PGAP4: variants seen among roughly 807,000 people sequenced by gnomAD.
PGAP4 encodes post-GPI attachment to proteins GalNAc transferase 4, also known as GPI-N-acetylgalactosamine transferase PGAP4.
In PGAP4, 12 loss-of-function variants were observed where a neutral mutation model predicts 28.2. The ratio of observed to expected loss-of-function variants is 0.42; its 90% CI spans 0.27 to 0.69. The LOEUF is 0.69. PGAP4 is among the 30% of genes least tolerant of loss of function. The pLI, the probability that PGAP4 is intolerant of heterozygous loss-of-function variation, is 0.22. For missense variants in PGAP4, 425 were observed against 513.5 expected (o/e 0.83, Z 1.67); for synonymous variants, 205 against 211.8 (o/e 0.97, Z 0.28).
chr9:101,491,812 G>GATATATATATATATAT (rs58209077), upstream of PGAP4, among the ~76,000 whole-genome samples: 7 of 106,268 alleles, frequency 6.6e-5, no homozygotes, highest in Non-Finnish European at 1.3e-4. Context: ...AATCTTAAAG[G>GATATATATATATATAT]ATATATATAT....
chr9:101,493,896 G>C (rs1490484816), intron 2 of PGAP4, among the ~76,000 whole-genome samples: 1 of 151,966 alleles, frequency 6.6e-6, no homozygotes, highest in East Asian at 1.9e-4. Context: ...GGAGAATGTA[G>C]GATCTAGTTC....
At chr9:101,510,264 C>T (rs746324718) in intron 2 of PGAP4, among the ~76,000 whole-genome samples, 27 of 152,242 alleles carry the variant, frequency 1.8e-4, no homozygotes, top group Middle Eastern at 3.4e-3. Flanking sequence ...CAATTCTTCA[C>T]CAATAGTAAA....
rs1408091331 is a variant in PGAP4, at chr9:101,486,602, T to C, written c.-78+347A>G. 1.3e-5 allele frequency among the ~76,000 whole-genome samples: 2 copies of C among 152,090 alleles called. No homozygotes were observed. The highest frequency in any genetic ancestry group is 2.9e-5 in the Non-Finnish European group (2 of 67,988). On this transcript the variant is annotated intron_variant, in intron 1 of 1. Transcript: ENST00000374848. This position sits in a 1 kb window ranked among gnomAD's most constrained non-coding sequence, Gnocchi z 4.7. ...CACGCGCCCCGCTCGCGTCCTTCTA[T>C]TGACCTGTCAGCGCAGCTGGCGCAG...
chr9:101,515,004 C>T (rs1277310245), intron 2 of PGAP4, among the ~76,000 whole-genome samples: 1 of 152,166 alleles, frequency 6.6e-6, no homozygotes, highest in Admixed American at 6.6e-5. Flanking sequence ...ATTTTACATT[C>T]ATTCAACTTT....
chr9:101,528,067 A>G (rs931330448), intron 2 of PGAP4, among the ~76,000 whole-genome samples: 1 of 152,240 alleles, frequency 6.6e-6, no homozygotes, highest in Non-Finnish European at 1.5e-5. Flanking sequence ...ACAATTACCC[A>G]GGGTCAGGAA....
At chr9:101,489,239 T>G (rs746908368), upstream of PGAP4, 6 of 152,052 alleles carry the variant, frequency 3.9e-5, no homozygotes, top group South Asian at 2.1e-4. Flanking sequence ...AAAAGAAGAA[T>G]AATAAAATAA....
At chr9:101,505,154 CCTAT>C (rs1826839632) in intron 2 of PGAP4, among the ~76,000 whole-genome samples, 1 of 152,034 alleles carries the variant, frequency 6.6e-6, no homozygotes, top group Non-Finnish European at 1.5e-5. Context: ...TTGCAGTAAG[CCTAT>C]CTTTTTCACA....
chr9:101,495,504 G>C (rs1218994653), intron 2 of PGAP4, among the ~76,000 whole-genome samples: 1 of 130,564 alleles, frequency 7.7e-6, no homozygotes, highest in Non-Finnish European at 1.6e-5. Flanking sequence ...GGCTCAACTG[G>C]AAAATTTTAA....
exon 1 of PGAP4, chr9:101,532,774 C>T (rs1827114173): frequency 6.6e-6 from 1 of 152,162 alleles, no homozygotes; most frequent in Admixed American, 6.5e-5. Context: ...TGCCAGGCAC[C>T]AGGAACACTT....
chr9:101,486,650 C>G lies in PGAP4; in HGVS notation c.-78+299G>C, dbSNP rs1468277381. 1.3e-5 allele frequency among the ~76,000 whole-genome samples: 2 copies of G among 152,178 alleles called. No homozygotes were observed. The highest frequency in any genetic ancestry group is 4.8e-5 in the African/African-American group (2 of 41,466). ...CAGGCAAGGGCCAGGGAGGCGCCCC[C>G]GAGACACTCAACCATCCCCGCACTG... On this transcript the variant is annotated intron_variant, in intron 1 of 1. Coordinates refer to ENST00000374848, the MANE Select transcript of PGAP4 (RefSeq NM_032342.3). This position sits in a 1 kb window ranked among gnomAD's most constrained non-coding sequence, Gnocchi z 4.7.
intron 1 of PGAP4, among the ~76,000 whole-genome samples, chr9:101,482,791 G>T (rs2118540706): frequency 6.6e-6 from 1 of 152,118 alleles, no homozygotes; most frequent in East Asian, 1.9e-4. Flanking sequence ...AAGTACTGGG[G>T]CCCTTTCTAT....
intron 2 of PGAP4, among the ~76,000 whole-genome samples, chr9:101,493,025 C>T (rs112476268): frequency 0.013 from 1,965 of 152,010 alleles, 32 homozygotes; most frequent in African/African-American, 0.043. Flanking sequence ...GAGGCCGAGG[C>T]GGGCGGATCA....
rs1433945116 is a variant in PGAP4 at position 101,473,334 on chromosome 9, A to G, written c.*2547T>C. ...GTAACCTATATCCCTTGATATGGGA[A>G]GGATATCTTAGTTCTCCCTAGCCCC... On this transcript the variant is annotated 3_prime_UTR_variant, in exon 2 of 2. Transcript: ENST00000374848. The G allele has an allele frequency of 6.6e-6, 1 of 152,236 alleles. No individual in the cohort carries two copies. The highest frequency in any genetic ancestry group is 1.5e-5 in the Non-Finnish European group (1 of 68,036). 9.4% of individuals were successfully genotyped at this position (152,236 alleles called of 1,614,324 possible). A position where few individuals can be genotyped will look rare whatever the true frequency, so the allele number is the denominator to read the frequency against.
intron 2 of PGAP4, among the ~76,000 whole-genome samples, chr9:101,499,525 G>A (rs943123506): frequency 6.6e-6 from 1 of 152,030 alleles, no homozygotes; most frequent in Non-Finnish European, 1.5e-5. Flanking sequence ...GAAAAAAAAA[G>A]GAGGCTTTCA....
intron 2 of PGAP4, among the ~76,000 whole-genome samples, chr9:101,530,058 G>A (rs975097346): frequency 6.6e-6 from 1 of 152,134 alleles, no homozygotes; most frequent in Non-Finnish European, 1.5e-5. Flanking sequence ...ATGGAATATT[G>A]GAATGCCTGG....
intron 2 of PGAP4, among the ~76,000 whole-genome samples, chr9:101,508,697 C>T (rs893251473): frequency 1.3e-5 from 2 of 152,122 alleles, no homozygotes; most frequent in Admixed American, 6.6e-5. Context: ...AAGTGCATTA[C>T]ATTTATTGTG....
At chr9:101,507,029 C>T (rs1207646990) in intron 2 of PGAP4, among the ~76,000 whole-genome samples, 2 of 152,092 alleles carry the variant, frequency 1.3e-5, no homozygotes, top group Non-Finnish European at 2.9e-5. Flanking sequence ...TATGATTAAC[C>T]TTCCTTAGCA....
At chr9:101,519,866 A>G (rs1390802877) in intron 2 of PGAP4, among the ~76,000 whole-genome samples, 1 of 152,128 alleles carries the variant, frequency 6.6e-6, no homozygotes, top group Non-Finnish European at 1.5e-5. Context: ...CTTAGGTTTA[A>G]GAGCTTAATC....
chr9:101,485,202 T>C (rs768628947), intron 1 of PGAP4, among the ~76,000 whole-genome samples: 20 of 151,496 alleles, frequency 1.3e-4, no homozygotes, highest in Non-Finnish European at 2.8e-4. Flanking sequence ...GAAAGCTTTA[T>C]AACAGGTTTT....
Sources: gnomAD v4.1 joint callset for allele counts (sites outside exome capture counted in the v4.1 genomes callset) on GRCh38, gnomAD v4.1.1 for gene constraint, Gnocchi (gnomAD v3.1) non-coding constraint, MANE v1.5 for transcripts, NCBI Gene and HGNC (gene_info 2026-07-23, HGNC 2026-07-21) for gene names.